DPY19L2: variants seen among roughly 807,000 people sequenced by gnomAD.
The protein encoded by DPY19L2 is probable C-mannosyltransferase DPY19L2.
Under a neutral mutation model 97.9 loss-of-function variants are expected in DPY19L2, and 34 were observed. That is an observed-to-expected ratio of 0.35 (90% CI 0.26 to 0.46). The LOEUF is 0.46. Ranked by LOEUF, DPY19L2 falls within the 20% of genes least tolerant of loss-of-function variation. The probability of loss-of-function intolerance (pLI) is 1.00; values close to 1 mark genes in which losing one functional copy is unlikely to be tolerated. For missense variants in DPY19L2, 623 were observed against 911.4 expected (o/e 0.68, Z 4.07); for synonymous variants, 230 against 307.9 (o/e 0.75, Z 2.65).
At chr12:63,607,805 C>A (rs1159685121) in intron 12 of DPY19L2, among the ~76,000 whole-genome samples, 1 of 151,968 alleles carries the variant, frequency 6.6e-6, no homozygotes, top group Non-Finnish European at 1.5e-5. Context: ...ACTAGTTTTT[C>A]TATTTTTTGT....
chr12:63,615,866 G>C (rs1205139272), intron 11 of DPY19L2, among the ~76,000 whole-genome samples: 2 of 151,566 alleles, frequency 1.3e-5, no homozygotes, highest in African/African-American at 4.9e-5. Flanking sequence ...ACATAACACA[G>C]TCAGCCCTCC....
chr12:63,582,977 A>G (rs559830522), intron 17 of DPY19L2, among the ~76,000 whole-genome samples: 129 of 152,204 alleles, frequency 8.5e-4, no homozygotes, highest in Non-Finnish European at 1.5e-3. Context: ...TCTGAAATCT[A>G]CAATGCTCCA....
At chr12:63,661,759 G>A (rs1827979) in intron 3 of DPY19L2, among the ~76,000 whole-genome samples, 26,255 of 152,042 alleles carry the variant, frequency 0.17, 2,636 homozygotes, top group Middle Eastern at 0.23. Flanking sequence ...CTTAAAATGT[G>A]TAGACAGTAT....
rs575319316 is a variant in DPY19L2 at position 63,636,482 on chromosome 12, C to A, written c.803+7921G>T. Among the ~76,000 whole-genome samples, 11 of 152,112 alleles carry A rather than the reference C, an allele frequency of 7.2e-5. No individual in the cohort carries two copies. In the East Asian group the frequency reaches 1.9e-3, roughly 27 times the overall value. On this transcript the variant is annotated intron_variant, in intron 6 of 21. Transcript: ENST00000324472. ...GCTCCAATTAAAAGACACAGACTGGCAAATTGGATCAAGATCAAGACCCAT... is the reference window on the plus strand; with the variant it reads ...GCTCCAATTAAAAGACACAGACTGGAAAATTGGATCAAGATCAAGACCCAT...
At chr12:63,651,603 TC>T in intron 4 of DPY19L2, 1 of 315,412 alleles carries the variant, frequency 3.2e-6, no homozygotes. Flanking sequence ...AGTCACAGCC[TC>T]CCGTGCCTTG....
intron 4 of DPY19L2, among the ~76,000 whole-genome samples, chr12:63,651,029 C>CA (rs1894144730): frequency 1.3e-5 from 2 of 152,238 alleles, no homozygotes; most frequent in African/African-American, 4.8e-5. Flanking sequence ...ATAACCAAAA[C>CA]AGCATGGTGC....
intron 19 of DPY19L2, among the ~76,000 whole-genome samples, chr12:63,574,433 T>C (rs1185493757): frequency 2.0e-5 from 3 of 151,046 alleles, no homozygotes; most frequent in Admixed American, 6.6e-5. Context: ...AGAAAACAAA[T>C]AACGAAATGG....
At chr12:63,610,852 A>AC (rs1886843969) in intron 11 of DPY19L2, among the ~76,000 whole-genome samples, 2 of 85,158 alleles carry the variant, frequency 2.3e-5, no homozygotes, top group Admixed American at 3.0e-4. Context: ...AAAAAAAAAA[A>AC]AAAAAAAAAA....
chr12:63,595,892 G>A lies in DPY19L2; in HGVS notation c.1533+74C>T, dbSNP rs142129607. On this transcript the variant is annotated intron_variant, in intron 15 of 21. Transcript: ENST00000324472. ...AAGAGTTCATCCTAAAAATAACATG[G>A]AATTCTGAGCAATTTGCATTCTTAT... 1.3e-3 allele frequency: 1,825 copies of A among 1,354,526 alleles called. 31 individuals are homozygous for A. The African/African-American group carries it at 0.025, about 18-fold the overall frequency. The allele number at this position is 1,354,526 out of a possible 1,614,324, so 83.9% of individuals were successfully genotyped here.
intron 11 of DPY19L2, among the ~76,000 whole-genome samples, chr12:63,616,897 A>G (rs12311011): frequency 0.05 from 7,651 of 152,156 alleles, 568 homozygotes; most frequent in African/African-American, 0.17. Context: ...TCCACTCTTG[A>G]AAGGCAAGAC....
intron 19 of DPY19L2, among the ~76,000 whole-genome samples, chr12:63,575,106 A>G (rs1879579786): frequency 6.7e-6 from 1 of 148,786 alleles, no homozygotes; most frequent in Non-Finnish European, 1.5e-5. Flanking sequence ...AAATTGAGAC[A>G]ATATAATGTA....
chr12:63,647,497 T>C (rs949400060), intron 4 of DPY19L2, 132 bp from the exon 5 acceptor site: 37 of 370,544 alleles, frequency 1.0e-4, no homozygotes, highest in Non-Finnish European at 1.5e-4. Context: ...TATAGTGACA[T>C]GGATGAAGCT....
chr12:63,668,001 G>C lies in DPY19L2; in HGVS notation c.337+56C>G, dbSNP rs528798305. ...TGCTTGTTAAACTGATCTCCTTCAAGACTCAAGAAAAGCGCCATGCGGCTC... is the reference window on the plus strand; with the variant it reads ...TGCTTGTTAAACTGATCTCCTTCAACACTCAAGAAAAGCGCCATGCGGCTC... On this transcript the variant is annotated intron_variant, in intron 1 of 21. Coordinates refer to ENST00000324472, the MANE Select transcript of DPY19L2 (RefSeq NM_173812.5). 44 of 1,555,428 alleles carry C rather than the reference G, an allele frequency of 2.8e-5. No homozygotes were observed. The African/African-American group carries it at 5.5e-4, about 19-fold the overall frequency.
intron 16 of DPY19L2, among the ~76,000 whole-genome samples, chr12:63,588,203 T>G (rs1180725411): frequency 6.6e-6 from 1 of 152,146 alleles, no homozygotes; most frequent in East Asian, 1.9e-4. Context: ...AAGCTGGTTT[T>G]ATGAAAAATC....
At chr12:63,589,227 G>A (rs771538084) in intron 16 of DPY19L2, among the ~76,000 whole-genome samples, 1 of 151,572 alleles carries the variant, frequency 6.6e-6, no homozygotes, top group African/African-American at 2.4e-5. Context: ...AAGTAAAGAA[G>A]TATAAATATT....
At chr12:63,664,154 T>C (rs1171061437) in intron 2 of DPY19L2, among the ~76,000 whole-genome samples, 1 of 151,852 alleles carries the variant, frequency 6.6e-6, no homozygotes, top group Non-Finnish European at 1.5e-5. Context: ...CTTGCCAACA[T>C]GATGAAACCC....
At chr12:63,666,598 A>T in intron 1 of DPY19L2, 1 of 323,494 alleles carries the variant, frequency 3.1e-6, no homozygotes, top group Non-Finnish European at 6.0e-6. Flanking sequence ...AGAACAAGTT[A>T]AAACACCACA....
chr12:63,582,561 C>G, intron 17 of DPY19L2, 36 bp from the exon 18 acceptor site: 1 of 1,586,480 alleles, frequency 6.3e-7, no homozygotes, highest in Non-Finnish European at 8.6e-7. Flanking sequence ...CACATTTTTA[C>G]TTTTCATATT....
At chr12:63,577,404 A>G (rs1276790540) in intron 19 of DPY19L2, among the ~76,000 whole-genome samples, 1 of 152,090 alleles carries the variant, frequency 6.6e-6, no homozygotes, top group African/African-American at 2.4e-5. Flanking sequence ...ATACCTGGGA[A>G]GCACAGGCAA....
Sources: allele counts gnomAD v4.1 joint callset (sites outside exome capture counted in the v4.1 genomes callset), GRCh38; gene constraint gnomAD v4.1.1; transcripts MANE v1.5; gene names NCBI Gene and HGNC (gene_info 2026-07-23, HGNC 2026-07-21).